Variants in PDE4B observed in about 807,000 individuals in gnomAD.
PDE4B encodes the protein phosphodiesterase 4B.
In PDE4B, 20 loss-of-function variants were observed where a neutral mutation model predicts 82.2. The observed-to-expected ratio is 0.24, with a 90% CI of 0.17 to 0.35. The LOEUF is 0.35. Among genes scored for constraint, PDE4B ranks in the 10% least tolerant of loss-of-function variants. The probability of loss-of-function intolerance (pLI) is 1.00; values close to 1 mark genes in which losing one functional copy is unlikely to be tolerated. For missense variants in PDE4B, 655 were observed against 907.2 expected (o/e 0.72, Z 3.57); for synonymous variants, 320 against 318.9 (o/e 1.00, Z -0.04).
At chr1:65,873,643 A>T (rs905962938) in intron 1 of PDE4B, among the ~76,000 whole-genome samples, 5 of 152,334 alleles carry the variant, frequency 3.3e-5, no homozygotes, top group Non-Finnish European at 7.4e-5. Flanking sequence ...TGGGAAATTA[A>T]TGAAGAATTT....
At chr1:66,044,261 G>A (rs143381320) in intron 3 of PDE4B, among the ~76,000 whole-genome samples, 5 of 151,558 alleles carry the variant, frequency 3.3e-5, no homozygotes, top group African/African-American at 1.2e-4. Flanking sequence ...ATTTCTTTTA[G>A]GTATATGAAT....
intron 3 of PDE4B, among the ~76,000 whole-genome samples, chr1:66,112,058 A>G (rs1645499504): frequency 6.6e-6 from 1 of 152,148 alleles, no homozygotes; most frequent in Non-Finnish European, 1.5e-5. Flanking sequence ...AGCAATGTAT[A>G]TAAAAAGTTG....
intron 3 of PDE4B, among the ~76,000 whole-genome samples, chr1:66,102,449 G>T (rs547018556): frequency 6.6e-6 from 1 of 152,168 alleles, no homozygotes; most frequent in South Asian, 2.1e-4. Flanking sequence ...TCATTTTGCT[G>T]TAAGTATAGC....
At chr1:66,291,094 G>A (rs1017100648) in intron 7 of PDE4B, among the ~76,000 whole-genome samples, 2 of 152,090 alleles carry the variant, frequency 1.3e-5, no homozygotes, top group Non-Finnish European at 2.9e-5. Flanking sequence ...GACACAGAAA[G>A]CTTTAGGTTG....
Position 66,096,510 on chromosome 1 carries a change from A to T in PDE4B, c.282-150950A>T, listed in dbSNP as rs1008325494. Among the ~76,000 whole-genome samples the T allele has an allele frequency of 3.2e-4, 42 of 131,456 alleles. 1 individual carries two copies. Among genetic ancestry groups the T allele is most frequent in the African/African-American group, 1.1e-3 (38 of 33,260 alleles). The allele number at this position is 131,456 out of a possible 152,430, so 86.2% of individuals were successfully genotyped here. A position where few individuals can be genotyped will look rare whatever the true frequency, so the allele number is the denominator to read the frequency against. ...AAATGCGGTATAAGTAAAAAAAATT[A>T]TATATATATATATATATATATATAT... On this transcript the variant is annotated intron_variant, in intron 3 of 16. Coordinates refer to ENST00000341517, the MANE Select transcript of PDE4B (RefSeq NM_002600.4).
intron 1 of PDE4B, among the ~76,000 whole-genome samples, chr1:65,861,562 A>T (rs1218240327): frequency 6.6e-6 from 1 of 152,172 alleles, no homozygotes; most frequent in East Asian, 1.9e-4. Flanking sequence ...AATTTAAAGT[A>T]GTTTTTTTCT....
At chr1:66,010,981 A>G (rs1652453207) in intron 3 of PDE4B, among the ~76,000 whole-genome samples, 1 of 151,536 alleles carries the variant, frequency 6.6e-6, no homozygotes, top group Non-Finnish European at 1.5e-5. Flanking sequence ...AATAAGACTG[A>G]TCACAGAAGT....
intron 3 of PDE4B, among the ~76,000 whole-genome samples, chr1:66,058,989 C>T (rs978353622): frequency 1.3e-5 from 2 of 152,216 alleles, no homozygotes; most frequent in South Asian, 2.1e-4. Context: ...AACTCTTATG[C>T]TCTGCATCCT....
At position 65,947,333 on chromosome 1, in the gene PDE4B, T is replaced by G. The variant is rs552466243; in HGVS notation, c.281+28498T>G. On this transcript the variant is annotated intron_variant, in intron 3 of 16. Transcript: ENST00000341517. ...TACTTTTGGTGTGCTTGGTGACTCT[T>G]GGTTAACAGGTGGTCCACAGTTTTT... is the stretch of plus-strand genomic sequence containing the variant. 3.9e-5 allele frequency among the ~76,000 whole-genome samples: 6 copies of G among 152,170 alleles called. No individual in the cohort carries two copies. In the South Asian group the frequency reaches 1.2e-3, roughly 32 times the overall value.
At chr1:65,856,340 C>T (rs1646392462) in intron 1 of PDE4B, among the ~76,000 whole-genome samples, 1 of 152,082 alleles carries the variant, frequency 6.6e-6, no homozygotes, top group African/African-American at 2.4e-5. Context: ...TCTTGCCCCA[C>T]CCCCACAACA....
chr1:66,226,202 C>T (rs952635), intron 3 of PDE4B, among the ~76,000 whole-genome samples: 99,192 of 152,050 alleles, frequency 0.65, 32,923 homozygotes, highest in Non-Finnish European at 0.69. Flanking sequence ...TATTATCTTT[C>T]TATCTCTTGT....
At chr1:65,873,102 C>T (rs1279826344) in intron 1 of PDE4B, among the ~76,000 whole-genome samples, 1 of 152,126 alleles carries the variant, frequency 6.6e-6, no homozygotes, top group Non-Finnish European at 1.5e-5. Context: ...AAAACTATAA[C>T]AATTTCAAGT....
chr1:65,803,080 AT>A (rs576428283), intron 1 of PDE4B, among the ~76,000 whole-genome samples: 87 of 152,330 alleles, frequency 5.7e-4, no homozygotes, highest in Admixed American at 1.1e-3. Flanking sequence ...AAAGAATAAA[AT>A]AAACTTGGCT....
At chr1:65,992,809 T>C in intron 3 of PDE4B, 1 of 1,462,306 alleles carries the variant, frequency 6.8e-7, no homozygotes, top group Non-Finnish European at 9.0e-7. Flanking sequence ...AAACTGGAAA[T>C]AGTTTGCAGA....
Position 66,350,830 on chromosome 1 carries a change from A to G in PDE4B, c.748-4697A>G, listed in dbSNP as rs952489970. Reference sequence around the variant, plus strand: ...ATCACTTCAGAAGAAACTGGCTCAGAAGAAATAATCTCTGTATGCAGTGTT... The same window carrying G: ...ATCACTTCAGAAGAAACTGGCTCAGGAGAAATAATCTCTGTATGCAGTGTT... On this transcript the variant is annotated intron_variant, in intron 8 of 16. Transcript: ENST00000341517. Among the ~76,000 whole-genome samples the G allele has an allele frequency of 5.9e-5, 9 of 152,338 alleles. 3 individuals carry two copies. Among genetic ancestry groups the G allele is most frequent in the Admixed American group, 6.5e-5 (1 of 15,304 alleles).
intron 3 of PDE4B, among the ~76,000 whole-genome samples, chr1:66,013,126 AT>A (rs1652578279): frequency 6.6e-6 from 1 of 152,154 alleles, no homozygotes; most frequent in Admixed American, 6.6e-5. Context: ...ATCTATTATT[AT>A]CTTCCCAGAA....
intron 3 of PDE4B, among the ~76,000 whole-genome samples, chr1:66,187,818 C>T (rs905846138): frequency 5.5e-4 from 84 of 151,692 alleles, no homozygotes; most frequent in Middle Eastern, 6.8e-3. Flanking sequence ...GAAGGGTTTT[C>T]TGTGTCTCTA....
chr1:66,311,662 C>T lies in PDE4B; in HGVS notation c.635-20846C>T, dbSNP rs145538751. ...GCAGTCTCTGAAGTGACCCCTAATACGGCATGCACATGCCAGGCCTGCTCA... is the reference window on the plus strand; with the variant it reads ...GCAGTCTCTGAAGTGACCCCTAATATGGCATGCACATGCCAGGCCTGCTCA... On this transcript the variant is annotated intron_variant, in intron 7 of 16. Transcript: ENST00000341517. 5.9e-5 allele frequency among the ~76,000 whole-genome samples: 9 copies of T among 152,362 alleles called. No individual in the cohort carries two copies. In the East Asian group the frequency reaches 7.7e-4, roughly 13 times the overall value.
intron 1 of PDE4B, among the ~76,000 whole-genome samples, chr1:65,911,240 C>T (rs754251248): frequency 1.3e-5 from 2 of 152,158 alleles, no homozygotes; most frequent in Non-Finnish European, 2.9e-5. Context: ...ATCATGGCAT[C>T]TTTCTACATG....
Sources: allele counts gnomAD v4.1 joint callset (sites outside exome capture counted in the v4.1 genomes callset), GRCh38; gene constraint gnomAD v4.1.1; transcripts MANE v1.5; gene names NCBI Gene and HGNC (gene_info 2026-07-23, HGNC 2026-07-21).